COL18A1: variants seen among roughly 807,000 people sequenced by gnomAD.
COL18A1 encodes the protein collagen alpha-1(XVIII) chain.
In COL18A1, 133 loss-of-function variants were observed where a neutral mutation model predicts 168.0. The observed-to-expected ratio is 0.79, with a 90% CI of 0.69 to 0.91. COL18A1 has a LOEUF of 0.91. COL18A1 is among the 40% of genes least tolerant of loss of function. The pLI, the probability that COL18A1 is intolerant of heterozygous loss-of-function variation, is 0.00. For synonymous variants in COL18A1, 949 were observed against 809.0 expected (o/e 1.17, Z -2.94); for missense variants, 2,126 against 1,925.4 (o/e 1.10, Z -1.95).
In COL18A1 at chr21:45,498,458, G is replaced by T. The variant is rs565070756; in HGVS notation, c.2683+797G>T. The T allele has an allele frequency of 1.3e-5, 9 of 698,510 alleles. No individual in the cohort carries two copies. The highest frequency in any genetic ancestry group is 1.1e-4 in the African/African-American group (6 of 55,938). 43.3% of individuals were successfully genotyped at this position (698,510 alleles called of 1,614,324 possible). A position where few individuals can be genotyped will look rare whatever the true frequency, so the allele number is the denominator to read the frequency against. Reference sequence around the variant, plus strand: ...CCTCTCGCCGCCAGGGTCCCCTCTCGCCGCCACGGTCCCCGCTCGCCGCCA... The same window carrying T: ...CCTCTCGCCGCCAGGGTCCCCTCTCTCCGCCACGGTCCCCGCTCGCCGCCA... On this transcript the variant is annotated intron_variant, in intron 32 of 41. Transcript: ENST00000651438. The surrounding 1 kb of genome is among the most constrained non-coding windows in gnomAD (Gnocchi z 4.5).
chr21:45,437,558 A>ACT (rs2034186505), intron 2 of COL18A1, among the ~76,000 whole-genome samples: 1 of 25,718 alleles, frequency 3.9e-5, no homozygotes, highest in African/African-American at 1.8e-4. Flanking sequence ...ACACACACAC[A>ACT]CACAGACACA....
intron 3 of COL18A1, among the ~76,000 whole-genome samples, chr21:45,470,451 A>T (rs967442971): frequency 0.031 from 870 of 27,878 alleles, no homozygotes; most frequent in Non-Finnish European, 0.038. Flanking sequence ...TTTTTTGACT[A>T]TTGGGATTGG....
intron 31 of COL18A1, among the ~76,000 whole-genome samples, chr21:45,497,309 C>T (rs2036577409): frequency 6.6e-6 from 1 of 152,250 alleles, no homozygotes; most frequent in South Asian, 2.1e-4. Context: ...CCCCCATTTG[C>T]TGTTCTCCGT....
rs985233428 is a variant in COL18A1, at chr21:45,469,117, G to A, written c.651+331G>A. Among the ~76,000 whole-genome samples the A allele has an allele frequency of 7.9e-5, 12 of 152,314 alleles. No individual in the cohort carries two copies. In the South Asian group the frequency reaches 8.3e-4, roughly 11 times the overall value. On this transcript the variant is annotated intron_variant, in intron 3 of 41. Coordinates refer to ENST00000651438, the MANE Select transcript of COL18A1 (RefSeq NM_001379500.1). ...CAGCCCAGGAGGGCCCTCTTTGAAC[G>A]ACTTTGTAACTAGACATCCACCCCA...
intron 2 of COL18A1, among the ~76,000 whole-genome samples, chr21:45,414,876 C>A (rs1282839673): frequency 6.6e-6 from 1 of 152,120 alleles, no homozygotes; most frequent in Non-Finnish European, 1.5e-5. Flanking sequence ...GTGCAGATGA[C>A]CCTGGATTAT....
chr21:45,495,370 ATGAACGGAT>A lies in COL18A1; in HGVS notation c.2451_2459del (p.Asn817_Leu819del), dbSNP rs1568927603. 1 of 1,610,508 alleles carries A rather than the reference ATGAACGGAT, an allele frequency of 6.2e-7. No homozygotes were observed. The highest frequency in any genetic ancestry group is 1.3e-5 in the African/African-American group (1 of 74,870). The stretch of plus-strand genomic sequence containing the variant: ...TGCTCCGCCCCAGGGTCGCCCCGGG[ATGAACGGAT>A]TGAAAGGAGAGAAAGGGGAGCCGGG... On this transcript the variant is annotated inframe_deletion, in exon 29 of 42. Transcript: ENST00000651438.
At chr21:45,491,365 G>T in intron 22 of COL18A1, 51 bp downstream of exon 22, 1 of 1,088,494 alleles carries the variant, frequency 9.2e-7, no homozygotes, top group Non-Finnish European at 1.4e-6. Flanking sequence ...CCCCCACGGG[G>T]TGCAGAGATC....
rs1223095043 is a variant in COL18A1 at position 45,480,387 on chromosome 21, G to A, written c.1399-80G>A. 10 of 1,612,004 alleles carry A rather than the reference G, an allele frequency of 6.2e-6. No individual in the cohort carries two copies. In the African/African-American group the frequency reaches 1.3e-4, roughly 22 times the overall value. On this transcript the variant is annotated intron_variant, in intron 11 of 41. Transcript: ENST00000651438. ...CCTTGTAGAAACAGCTCGATATGCA[G>A]CTTGCGGGGCAGGGGCCAGGAGTAG...
At chr21:45,494,603 G>GCT in intron 27 of COL18A1, 32 bp downstream of exon 27, 8 of 1,612,782 alleles carry the variant, frequency 5.0e-6, no homozygotes, top group Non-Finnish European at 6.8e-6. Context: ...TCTGCACTGA[G>GCT]CTCGGGCATG....
chr21:45,468,214 A>G (rs2035284900), intron 2 of COL18A1, 28 bp from the exon 3 acceptor site: 4 of 1,611,942 alleles, frequency 2.5e-6, no homozygotes, highest in East Asian at 2.2e-5. Context: ...CTGCACAGCC[A>G]CCTCACCAGC....
At chr21:45,511,314 G>A (rs1177459010) in intron 41 of COL18A1, 88 bp downstream of exon 41, 1 of 735,704 alleles carries the variant, frequency 1.4e-6, no homozygotes. Flanking sequence ...TTCCCCCCGA[G>A]TTTTTGGACA....
chr21:45,509,535 C>A lies in COL18A1; in HGVS notation c.3429C>A (p.Tyr1143Ter), dbSNP rs375601931. The change falls in exon 39 of 42, where the codon TAC becomes TAA. Residue 1143 changes from tyrosine (Y) to a stop codon, truncating the protein, a stop_gained. Coordinates refer to ENST00000651438, the MANE Select transcript of COL18A1 (RefSeq NM_001379500.1). LOFTEE classifies it high-confidence loss of function. ...PYPGAPHHSSYVHLRPARPTS... is the reference protein window; with the variant it reads ...PYPGAPHHSS ...CCGGAGCCCCGCACCACAGCTCCTA[C>A]GTGCACCTGCGGCCGGCGCGACCCA... 2 of 1,537,612 alleles carry A rather than the reference C, an allele frequency of 1.3e-6. No individual in the cohort carries two copies. Among genetic ancestry groups the A allele is most frequent in the Non-Finnish European group, 1.7e-6 (2 of 1,144,434 alleles).
intron 2 of COL18A1, among the ~76,000 whole-genome samples, chr21:45,467,828 CG>C (rs1182354590): frequency 6.6e-6 from 1 of 152,182 alleles, no homozygotes; most frequent in Non-Finnish European, 1.5e-5. Flanking sequence ...CTTGCCCCAG[CG>C]GGGGTGCCGG....
intron 2 of COL18A1, among the ~76,000 whole-genome samples, chr21:45,414,979 C>A (rs1427339509): frequency 6.6e-6 from 1 of 152,010 alleles, no homozygotes; most frequent in Non-Finnish European, 1.5e-5. Context: ...CTGGGGAGGG[C>A]ATGAGAAGAC....
chr21:45,428,317 C>T lies in COL18A1; in HGVS notation c.106+22844C>T, dbSNP rs189895352. Reference sequence around the variant, plus strand: ...GGGCCAGGGGCACCCTCAGCTGACCCGGCGTGCAGGGGTGACCAGCCAGGC... The same window carrying T: ...GGGCCAGGGGCACCCTCAGCTGACCTGGCGTGCAGGGGTGACCAGCCAGGC... On this transcript the variant is annotated intron_variant, in intron 2 of 41. Coordinates refer to ENST00000651438, the MANE Select transcript of COL18A1 (RefSeq NM_001379500.1). Among the ~76,000 whole-genome samples the T allele has an allele frequency of 1.3e-3, 205 of 152,254 alleles. 1 individual carries two copies. Among genetic ancestry groups the T allele is most frequent in the South Asian group, 4.6e-3 (22 of 4,822 alleles).
intron 9 of COL18A1, 54 bp downstream of exon 9, chr21:45,478,407 C>G (rs997888788): frequency 3.8e-5 from 61 of 1,612,756 alleles, no homozygotes; most frequent in Admixed American, 3.7e-4. Flanking sequence ...TTGCTTAGAC[C>G]CCAGGGCTTT....
At chr21:45,490,952 C>A (rs1315876591) in intron 21 of COL18A1, 81 bp downstream of exon 21, 1 of 1,332,156 alleles carries the variant, frequency 7.5e-7, no homozygotes, top group Non-Finnish European at 1.1e-6. Context: ...GCCCCAGGTC[C>A]GTGCCCCTGC....
chr21:45,475,044 C>T (rs1243167456), intron 4 of COL18A1, among the ~76,000 whole-genome samples: 3 of 152,202 alleles, frequency 2.0e-5, no homozygotes, highest in African/African-American at 4.8e-5. Flanking sequence ...GGATGTTTCT[C>T]CTCCGGGTTT....
At chr21:45,436,019 C>G (rs540272116) in intron 2 of COL18A1, among the ~76,000 whole-genome samples, 1 of 152,206 alleles carries the variant, frequency 6.6e-6, no homozygotes, top group East Asian at 1.9e-4. Flanking sequence ...CCACTGCAGT[C>G]GGCAAGGGGG....
Sources: gnomAD v4.1 joint callset for allele counts (sites outside exome capture counted in the v4.1 genomes callset) on GRCh38, gnomAD v4.1.1 for gene constraint, Gnocchi (gnomAD v3.1) non-coding constraint, MANE v1.5 for transcripts, NCBI Gene and HGNC (gene_info 2026-07-23, HGNC 2026-07-21) for gene names.